The following ADGRB1 variants were observed in gnomAD, a reference collection of about 807,000 sequenced individuals.
ADGRB1 encodes adhesion G protein-coupled receptor B1.
Under a neutral mutation model 175.7 loss-of-function variants are expected in ADGRB1, and 36 were observed. That is an observed-to-expected ratio of 0.20 (90% CI 0.16 to 0.27). The LOEUF is 0.27. Ranked by LOEUF, ADGRB1 falls within the 10% of genes least tolerant of loss-of-function variation. The pLI, the probability that ADGRB1 is intolerant of heterozygous loss-of-function variation, is 1.00. For synonymous variants in ADGRB1, 1,054 were observed against 979.4 expected, an observed-to-expected ratio of 1.08 and a Z score of -1.42; for missense variants, 1,731 against 2,255.3, an observed-to-expected ratio of 0.77 and a Z score of 4.71.
chr8:142,479,206 A>G (rs1354557886), intron 7 of ADGRB1, 117 bp from the exon 8 acceptor site: 8 of 1,181,928 alleles, frequency 6.8e-6, no homozygotes, highest in Non-Finnish European at 7.6e-6. Flanking sequence ...CTGGGTCCCT[A>G]TGTTTCACTG....
chr8:142,524,441 AG>A, intron 23 of ADGRB1, 137 bp downstream of exon 23: 1 of 1,015,696 alleles, frequency 9.8e-7, no homozygotes, highest in Non-Finnish European at 1.4e-6. Context: ...CCTCATCACC[AG>A]GGGGTGGGGG....
rs562040653 is a variant in ADGRB1, at chr8:142,527,403, G to C, written c.3398+776G>C. ...TTGGTGTCTCTCTGTCTCTCTCTCT[G>C]TTCCTGTCTCTCTCTTCCTGGCTCC... On this transcript the variant is annotated intron_variant, in intron 24 of 30. Transcript: ENST00000517894. 1.1e-3 allele frequency among the ~76,000 whole-genome samples: 168 copies of C among 152,206 alleles called. 1 individual carries two copies. The highest frequency in any genetic ancestry group is 3.7e-3 in the African/African-American group (155 of 41,518).
chr8:142,544,408 C>T lies in ADGRB1; in HGVS notation c.4746C>T (p.Thr1582=), dbSNP rs752157607. ...LVGQDIIDLQ[T]EV is the part of the protein sequence containing the mutation. Reference sequence around the variant, plus strand: ...GCCAGGACATCATCGACCTCCAGACCGAGGTCTGAGCGGGTGGGCGGCGGC... The same window carrying T: ...GCCAGGACATCATCGACCTCCAGACTGAGGTCTGAGCGGGTGGGCGGCGGC... Residue 1582 remains threonine (T), a synonymous_variant, in exon 31 of 31, where the codon ACC becomes ACT. Coordinates refer to ENST00000517894, the MANE Select transcript of ADGRB1 (RefSeq NM_001702.3). 7.6e-5 allele frequency: 113 copies of T among 1,495,024 alleles called. No individual in the cohort carries two copies. The highest frequency in any genetic ancestry group is 9.6e-5 in the Non-Finnish European group (108 of 1,119,448). The allele number at this position is 1,495,024 out of a possible 1,614,324, so 92.6% of individuals were successfully genotyped here.
Position 142,492,227 on chromosome 8 carries a change from G to A in ADGRB1, c.2675+1412G>A, listed in dbSNP as rs986372384. 6.6e-5 allele frequency among the ~76,000 whole-genome samples: 10 copies of A among 151,884 alleles called. No homozygotes were observed. Among genetic ancestry groups the A allele is most frequent in the East Asian group, 5.8e-4 (3 of 5,174 alleles). ...CCCACCACCCATCCACCGCTCCTCC[G>A]TCCGCCTGTTCTTTAATCCATCCGC... On this transcript the variant is annotated intron_variant, in intron 17 of 30. Transcript: ENST00000517894. This position sits in a 1 kb window ranked among gnomAD's most constrained non-coding sequence, Gnocchi z 4.4.
intron 17 of ADGRB1, among the ~76,000 whole-genome samples, chr8:142,497,640 G>C (rs1158233135): frequency 6.6e-6 from 1 of 152,228 alleles, no homozygotes; most frequent in Non-Finnish European, 1.5e-5. Flanking sequence ...GGACAGGGGA[G>C]AGGTGGAGTG....
chr8:142,520,651 A>G (rs1303548955), intron 19 of ADGRB1, among the ~76,000 whole-genome samples, 172 bp from the exon 20 acceptor site: 5 of 149,914 alleles, frequency 3.3e-5, no homozygotes, highest in African/African-American at 1.2e-4. Context: ...GATGATGATG[A>G]TGGTGTAATG....
Position 142,464,073 on chromosome 8 carries a change from C to A in ADGRB1, c.-126C>A. 6.9e-6 allele frequency: 4 copies of A among 583,776 alleles called. No individual in the cohort carries two copies. The highest frequency in any genetic ancestry group is 9.2e-6 in the Non-Finnish European group (4 of 434,328). 36.2% of individuals were successfully genotyped at this position (583,776 alleles called of 1,614,324 possible). ...ACCTGAAGCGGGGCCCTCTCCCATC[C>A]CACCCTTGCCCCGCCTCCCTGCCCC... is the stretch of plus-strand genomic sequence containing the variant. On this transcript the variant is annotated 5_prime_UTR_variant, in exon 2 of 31. Transcript: ENST00000517894.
At chr8:142,526,840 G>C (rs1401711717) in intron 24 of ADGRB1, among the ~76,000 whole-genome samples, 1 of 152,214 alleles carries the variant, frequency 6.6e-6, no homozygotes, top group Non-Finnish European at 1.5e-5. Flanking sequence ...CATCTGACCT[G>C]GACAGGGTGG....
In ADGRB1 at chr8:142,544,236, C is replaced by T. The variant is rs1563759042; in HGVS notation, c.4574C>T (p.Thr1525Met). The change falls in exon 31 of 31, where the codon ACG becomes ATG. Residue 1525 changes from threonine to methionine, a missense_variant. This residue lies in a region of ADGRB1 where 394 missense variants were observed against 410.2 expected (regional missense o/e 0.96). Coordinates refer to ENST00000517894, the MANE Select transcript of ADGRB1 (RefSeq NM_001702.3). ...ACCCAGCAGCCGGAAAAGCAGCAGA[C>T]GCCCAACAAGAGGCCCTGGGAGAGC... ...GPDSKPEKQQ[T>M]PNKRPWESLR... is the part of the protein sequence containing the mutation. 1.1e-5 allele frequency: 17 copies of T among 1,548,880 alleles called. No homozygotes were observed. Among genetic ancestry groups the T allele is most frequent in the Admixed American group, 2.0e-5 (1 of 50,950 alleles).
At chr8:142,466,737 C>G (rs1263902318) in intron 2 of ADGRB1, among the ~76,000 whole-genome samples, 1 of 152,072 alleles carries the variant, frequency 6.6e-6, no homozygotes, top group Admixed American at 6.6e-5. Flanking sequence ...ATGGAGGGCT[C>G]TTTCAGGGAG....
At chr8:142,473,557 C>T (rs571494267) in intron 2 of ADGRB1, among the ~76,000 whole-genome samples, 9 of 152,326 alleles carry the variant, frequency 5.9e-5, no homozygotes, top group South Asian at 2.1e-4. Flanking sequence ...CAGGTGCCAC[C>T]CTGTCCCGCC....
chr8:142,541,018 G>A (rs1455052398), intron 27 of ADGRB1, among the ~76,000 whole-genome samples: 1 of 152,094 alleles, frequency 6.6e-6, no homozygotes, highest in African/African-American at 2.4e-5. Context: ...TGGCTGAAGG[G>A]AGCAGCTGGT....
chr8:142,532,427 G>C (rs910318868), intron 24 of ADGRB1, among the ~76,000 whole-genome samples: 1 of 152,212 alleles, frequency 6.6e-6, no homozygotes, highest in East Asian at 1.9e-4. Flanking sequence ...GGGCTGCAGG[G>C]GCGAGGGCTG....
chr8:142,476,452 C>A, intron 3 of ADGRB1, 133 bp from the exon 4 acceptor site: 3 of 771,846 alleles, frequency 3.9e-6, no homozygotes, highest in Non-Finnish European at 6.5e-6. Context: ...AGGCTGGGCA[C>A]TCTGGTCCCT....
chr8:142,525,121 G>T (rs1844097817), intron 23 of ADGRB1, among the ~76,000 whole-genome samples: 1 of 152,082 alleles, frequency 6.6e-6, no homozygotes, highest in African/African-American at 2.4e-5. Context: ...AGAGAAACGT[G>T]CATGAGGGGT....
Position 142,476,710 on chromosome 8 carries a change from G to A in ADGRB1, c.1057+15G>A, listed in dbSNP as rs1032150681. The A allele has an allele frequency of 2.0e-6, 3 of 1,538,444 alleles. No homozygotes were observed. The highest frequency in any genetic ancestry group is 2.6e-6 in the Non-Finnish European group (3 of 1,139,864). ...CCCCCAGACCGGTGAGCTGGCGGGA[G>A]GGGGGTGGGTGGGACTAGGGCTTTG... On this transcript the variant is annotated intron_variant, in intron 4 of 30. Transcript: ENST00000517894.
At position 142,510,386 on chromosome 8, in the gene ADGRB1, C is replaced by T. The variant is rs778901650; in HGVS notation, c.2676-546C>T. Among the ~76,000 whole-genome samples, 46 of 151,982 alleles carry T rather than the reference C, an allele frequency of 3.0e-4. No homozygotes were observed. Among genetic ancestry groups the T allele is most frequent in the Admixed American group, 5.2e-4 (8 of 15,298 alleles). The stretch of plus-strand genomic sequence containing the variant: ...GGGGAGGTGGATGTGGGGGATGGAG[C>T]GGTCCCAAGGTCGTCAGCTCCAGCC... On this transcript the variant is annotated intron_variant, in intron 17 of 30. Transcript: ENST00000517894. This position sits in a 1 kb window ranked among gnomAD's most constrained non-coding sequence, Gnocchi z 6.3.
intron 16 of ADGRB1, 121 bp downstream of exon 16, chr8:142,489,559 T>A: frequency 8.9e-7 from 1 of 1,122,068 alleles, no homozygotes; most frequent in Non-Finnish European, 1.3e-6. Context: ...CTTCGAGAGC[T>A]ACTTTTATCC....
chr8:142,522,528 G>C, intron 21 of ADGRB1, 113 bp from the exon 22 acceptor site: 1 of 1,055,724 alleles, frequency 9.5e-7, no homozygotes, highest in Non-Finnish European at 1.4e-6. Flanking sequence ...TCCTCTGTTG[G>C]GGGCTTCAGA....
Sources: gnomAD v4.1 joint callset for allele counts (sites outside exome capture counted in the v4.1 genomes callset) on GRCh38, gnomAD v4.1.1 for gene constraint, gnomAD v4.1.1 regional missense constraint, Gnocchi (gnomAD v3.1) non-coding constraint, MANE v1.5 for transcripts, NCBI Gene and HGNC (gene_info 2026-07-23, HGNC 2026-07-21) for gene names.